MLLT10: variants seen among roughly 807,000 people sequenced by gnomAD.
The protein encoded by MLLT10 is MLLT10 histone lysine methyltransferase DOT1L cofactor, also known as protein AF-10.
In MLLT10, 30 loss-of-function variants were observed where a neutral mutation model predicts 129.1. That is an observed-to-expected ratio of 0.23 (90% CI 0.17 to 0.32). The LOEUF is 0.32. Ranked by LOEUF, MLLT10 falls within the 10% of genes least tolerant of loss-of-function variation. The pLI is 1.00. For synonymous variants in MLLT10, 490 were observed against 446.4 expected (o/e 1.10, Z -1.23); for missense variants, 1,119 against 1,268.3 (o/e 0.88, Z 1.79).
At chr10:21,725,836 C>T (rs1212964760) in intron 14 of MLLT10, among the ~76,000 whole-genome samples, 1 of 151,294 alleles carries the variant, frequency 6.6e-6, no homozygotes, top group East Asian at 2.0e-4. Flanking sequence ...CTGCAAGCTC[C>T]ACCTCCTGGG....
At position 21,730,950 on chromosome 10, in the gene MLLT10, G is replaced by A. The variant is rs1455237489; in HGVS notation, c.2114G>A (p.Ser705Asn). ...CGCTATGATCAACCAGGCAACAGCAGTTTGGAAAATCTGCCTCCAGTAGCA... is the reference window on the plus strand; with the variant it reads ...CGCTATGATCAACCAGGCAACAGCAATTTGGAAAATCTGCCTCCAGTAGCA... ...QIRYDQPGNS[S>N]LENLPPVAAS... Residue 705 changes from serine to asparagine, a missense_variant, in exon 17 of 23, where the codon AGT becomes AAT. Transcript: ENST00000307729. 12 of 1,614,196 alleles carry A rather than the reference G, an allele frequency of 7.4e-6. No homozygotes were observed. The highest frequency in any genetic ancestry group is 1.0e-5 in the Non-Finnish European group (12 of 1,180,036).
At chr10:21,597,389 G>A (rs2043121883) in intron 5 of MLLT10, among the ~76,000 whole-genome samples, 1 of 151,638 alleles carries the variant, frequency 6.6e-6, no homozygotes, top group South Asian at 2.1e-4. Context: ...TTTTATTTTT[G>A]TACAGAGTCT....
intron 3 of MLLT10, among the ~76,000 whole-genome samples, chr10:21,572,198 A>G (rs1161492381): frequency 6.6e-6 from 1 of 152,222 alleles, no homozygotes; most frequent in Non-Finnish European, 1.5e-5. Context: ...CTTTGGGAAC[A>G]TCACATGGCT....
intron 13 of MLLT10, among the ~76,000 whole-genome samples, chr10:21,701,998 C>T (rs1277862743): frequency 1.3e-5 from 2 of 152,026 alleles, no homozygotes; most frequent in Non-Finnish European, 2.9e-5. Context: ...TTGATCTCAG[C>T]TCATGGCAAC....
intron 14 of MLLT10, among the ~76,000 whole-genome samples, chr10:21,718,658 A>G (rs369015586): frequency 6.6e-6 from 1 of 152,218 alleles, no homozygotes; most frequent in South Asian, 2.1e-4. Flanking sequence ...AAAGTAAAAT[A>G]AACTTCCAAG....
At chr10:21,560,589 C>T (rs1294762025) in intron 3 of MLLT10, among the ~76,000 whole-genome samples, 1 of 151,628 alleles carries the variant, frequency 6.6e-6, no homozygotes, top group East Asian at 1.9e-4. Context: ...GCACGTACTA[C>T]CACCACCACC....
At chr10:21,729,463 T>C (rs2057778332) in intron 16 of MLLT10, among the ~76,000 whole-genome samples, 1 of 152,218 alleles carries the variant, frequency 6.6e-6, no homozygotes, top group Non-Finnish European at 1.5e-5. Flanking sequence ...CCTGGTATAG[T>C]GTACTATTTG....
chr10:21,729,941 T>C (rs1220746511), intron 16 of MLLT10, among the ~76,000 whole-genome samples: 4 of 152,104 alleles, frequency 2.6e-5, no homozygotes, highest in Non-Finnish European at 5.9e-5. Context: ...TCTAAGACAT[T>C]TTAGAAATAT....
chr10:21,662,933 A>G lies in MLLT10; in HGVS notation c.796-7516A>G, dbSNP rs182646003. 1.7e-3 allele frequency among the ~76,000 whole-genome samples: 256 copies of G among 152,198 alleles called. 1 individual carries two copies. Among genetic ancestry groups the G allele is most frequent in the Middle Eastern group, 0.01 (3 of 292 alleles). On this transcript the variant is annotated intron_variant, in intron 9 of 22. Coordinates refer to ENST00000307729, the MANE Select transcript of MLLT10 (RefSeq NM_001195626.3). Reference sequence around the variant, plus strand: ...TTCTTAGTTATTTTTTTCTCCCTCAAGTGGGACAGGATGATGGTTAGAGTC... The same window carrying G: ...TTCTTAGTTATTTTTTTCTCCCTCAGGTGGGACAGGATGATGGTTAGAGTC...
At chr10:21,665,301 T>G (rs1318056797) in intron 9 of MLLT10, among the ~76,000 whole-genome samples, 171 of 112,986 alleles carry the variant, frequency 1.5e-3, no homozygotes, top group African/African-American at 4.7e-3. Flanking sequence ...TTGTTTTTTT[T>G]GGGGGGGGGG....
At chr10:21,582,189 T>C (rs1003962605) in intron 3 of MLLT10, among the ~76,000 whole-genome samples, 6 of 152,138 alleles carry the variant, frequency 3.9e-5, no homozygotes, top group Admixed American at 2.0e-4. Context: ...AGTGGAACGA[T>C]CTTGGCTCAC....
In MLLT10 at chr10:21,742,855, C is replaced by T. The variant is rs150622664; in HGVS notation, c.*872C>T. 1.3e-4 allele frequency: 29 copies of T among 228,866 alleles called. No individual in the cohort carries two copies. Among genetic ancestry groups the T allele is most frequent in the African/African-American group, 4.9e-4 (22 of 45,200 alleles). The allele number at this position is 228,866 out of a possible 1,614,324, so 14.2% of individuals were successfully genotyped here. ...GTCCTCCGAGCAGCAGGAATCATCC[C>T]GTCACCTGCAGCCTTCCCATGCTTC... On this transcript the variant is annotated 3_prime_UTR_variant, in exon 23 of 23. Coordinates refer to ENST00000307729, the MANE Select transcript of MLLT10 (RefSeq NM_001195626.3).
At chr10:21,642,656 C>CAAAA (rs374427646) in intron 8 of MLLT10, among the ~76,000 whole-genome samples, 7 of 99,678 alleles carry the variant, frequency 7.0e-5, no homozygotes, top group Non-Finnish European at 1.2e-4. Context: ...GACTCTGTCT[C>CAAAA]AAAAAAAAAA....
At chr10:21,625,525 G>T in intron 8 of MLLT10, 1 of 852,694 alleles carries the variant, frequency 1.2e-6, no homozygotes, top group Non-Finnish European at 2.0e-6. Context: ...TACTTTTCCA[G>T]CATCTGGCTT....
intron 3 of MLLT10, among the ~76,000 whole-genome samples, chr10:21,549,192 C>T (rs1402473301): frequency 4.0e-5 from 6 of 148,322 alleles, no homozygotes; most frequent in African/African-American, 7.4e-5. Flanking sequence ...GGCGCAGTCT[C>T]GGCTCACTGC....
At chr10:21,588,589 A>G (rs1254651170) in intron 4 of MLLT10, among the ~76,000 whole-genome samples, 1 of 152,012 alleles carries the variant, frequency 6.6e-6, no homozygotes, top group Non-Finnish European at 1.5e-5. Flanking sequence ...TTTGATAGAT[A>G]GTCCCAAATT....
At chr10:21,585,709 C>G (rs1345285965) in intron 3 of MLLT10, among the ~76,000 whole-genome samples, 1 of 152,078 alleles carries the variant, frequency 6.6e-6, no homozygotes. Flanking sequence ...GGTAAATAAT[C>G]CCAGCATCTT....
chr10:21,646,275 G>A (rs2048464757), intron 8 of MLLT10, among the ~76,000 whole-genome samples: 1 of 152,168 alleles, frequency 6.6e-6, no homozygotes, highest in South Asian at 2.1e-4. Flanking sequence ...GGGGAAAGCA[G>A]TTCATTCTGG....
In MLLT10 at chr10:21,681,312, T is replaced by A. The variant is rs771322657; in HGVS notation, c.1622-20T>A. ...ACTGGCAATTTCTTCACTGATTTCC[T>A]TTTTCCTTCCTCTCAACAGAAATTT... On this transcript the variant is annotated intron_variant, in intron 11 of 22. Coordinates refer to ENST00000307729, the MANE Select transcript of MLLT10 (RefSeq NM_001195626.3). 2 of 1,610,184 alleles carry A rather than the reference T, an allele frequency of 1.2e-6. No homozygotes were observed. The highest frequency in any genetic ancestry group is 1.7e-6 in the Non-Finnish European group (2 of 1,178,696).
Sources: allele counts gnomAD v4.1 joint callset (sites outside exome capture counted in the v4.1 genomes callset), GRCh38; gene constraint gnomAD v4.1.1; transcripts MANE v1.5; gene names NCBI Gene and HGNC (gene_info 2026-07-23, HGNC 2026-07-21).